Variants in CACNA1A observed in about 807,000 individuals in gnomAD.
The protein encoded by CACNA1A is voltage-dependent P/Q-type calcium channel subunit alpha-1A.
A neutral mutation model predicts 262.4 loss-of-function variants in CACNA1A; 57 were observed. The ratio of observed to expected loss-of-function variants is 0.22; its 90% confidence interval spans 0.18 to 0.27. The LOEUF is 0.27. Ranked by LOEUF, CACNA1A falls within the 10% of genes least tolerant of loss-of-function variation. The probability of loss-of-function intolerance (pLI) is 1.00; values close to 1 mark genes in which losing one functional copy is unlikely to be tolerated. For missense variants in CACNA1A, 2,526 were observed against 3,562.8 expected, an observed-to-expected ratio of 0.71 and a Z score of 7.41; for synonymous variants, 1,431 against 1,419.3, an observed-to-expected ratio of 1.01 and a Z score of -0.18.
intron 3 of CACNA1A, among the ~76,000 whole-genome samples, chr19:13,436,384 G>A (rs1186633403): frequency 6.6e-6 from 1 of 152,130 alleles, no homozygotes; most frequent in East Asian, 1.9e-4. Context: ...TTCTCCTCCT[G>A]CTACAGAACA....
rs1287136668 is a variant in CACNA1A at position 13,299,338 on chromosome 19, C to T, written c.2295G>A (p.Lys765=). The T allele has an allele frequency of 3.8e-6, 6 of 1,599,818 alleles. No homozygotes were observed. The highest frequency in any genetic ancestry group is 5.1e-6 in the Non-Finnish European group (6 of 1,179,752). Residue 765 remains lysine (K), a synonymous_variant, in exon 19 of 47, where the codon AAG becomes AAA. Transcript: ENST00000360228. ...NMSIAVKEQQ[K]NQKPAKSVWE... is the part of the protein sequence containing the mutation. Reference sequence around the variant, plus strand: ...ACACGGACTTGGCTGGCTTTTGATTCTTCTGTTGCTCTTTCCTGCAGTGGC... The same window carrying T: ...ACACGGACTTGGCTGGCTTTTGATTTTTCTGTTGCTCTTTCCTGCAGTGGC...
At chr19:13,325,107 T>G (rs2145090155) in intron 10 of CACNA1A, among the ~76,000 whole-genome samples, 1 of 146,748 alleles carries the variant, frequency 6.8e-6, no homozygotes, top group African/African-American at 2.5e-5. Flanking sequence ...CCTCTTCTTC[T>G]TCCCCTTCCC....
chr19:13,230,742 G>A (rs757577403), intron 35 of CACNA1A, among the ~76,000 whole-genome samples: 4 of 151,936 alleles, frequency 2.6e-5, no homozygotes, highest in Non-Finnish European at 5.9e-5. Context: ...GGGAGGTGGA[G>A]GCTGCAGTGA....
chr19:13,283,176 C>A, intron 22 of CACNA1A, 91 bp downstream of exon 22: 1 of 1,506,356 alleles, frequency 6.6e-7, no homozygotes, highest in African/African-American at 1.4e-5. Flanking sequence ...ACCCCAACAT[C>A]CCACCCTACC....
chr19:13,466,877 A>ATTAT (rs59575263), intron 1 of CACNA1A, among the ~76,000 whole-genome samples: 7,398 of 142,542 alleles, frequency 0.052, 215 homozygotes, highest in Middle Eastern at 0.066. Context: ...TTAAATTTCC[A>ATTAT]TTATTTATTT....
chr19:13,475,832 A>G (rs1271022883), intron 1 of CACNA1A, among the ~76,000 whole-genome samples: 1 of 152,238 alleles, frequency 6.6e-6, no homozygotes, highest in Non-Finnish European at 1.5e-5. Context: ...AAAAGGAGCC[A>G]GAAAATTACA....
At chr19:13,400,289 T>C (rs979994516) in intron 3 of CACNA1A, among the ~76,000 whole-genome samples, 61 of 152,160 alleles carry the variant, frequency 4.0e-4, no homozygotes, top group African/African-American at 1.4e-3. Flanking sequence ...CATTCGACTT[T>C]TGACTTTTGC....
intron 24 of CACNA1A, among the ~76,000 whole-genome samples, chr19:13,266,348 A>C (rs2056863518): frequency 1.3e-5 from 2 of 152,020 alleles, no homozygotes; most frequent in South Asian, 2.1e-4. Flanking sequence ...CTGGGACTGC[A>C]GGCATGCACC....
At chr19:13,256,401 A>G (rs1231499143) in intron 28 of CACNA1A, 3 of 152,132 alleles carry the variant, frequency 2.0e-5, no homozygotes, top group Non-Finnish European at 4.4e-5. Flanking sequence ...GGAGCAGAGG[A>G]TATATTCTAG....
intron 24 of CACNA1A, among the ~76,000 whole-genome samples, chr19:13,266,097 G>C (rs980248549): frequency 3.9e-5 from 6 of 152,142 alleles, no homozygotes; most frequent in African/African-American, 1.4e-4. Flanking sequence ...ACCTGCCTCG[G>C]CCTCCCAAAG....
chr19:13,364,006 C>T (rs369263064), intron 5 of CACNA1A: 3 of 152,114 alleles, frequency 2.0e-5, no homozygotes, highest in African/African-American at 4.8e-5. Flanking sequence ...GAGTGTGGAT[C>T]GTGGTGGACA....
intron 5 of CACNA1A, chr19:13,364,394 A>C (rs74339044): frequency 0.021 from 3,251 of 152,350 alleles, 45 homozygotes; most frequent in South Asian, 0.043. Flanking sequence ...CTCACAATGC[A>C]TTGAGGCAAT....
intron 6 of CACNA1A, among the ~76,000 whole-genome samples, chr19:13,357,969 T>C (rs1009105534): frequency 6.6e-6 from 1 of 152,002 alleles, no homozygotes; most frequent in Non-Finnish European, 1.5e-5. Flanking sequence ...ATTACACCAC[T>C]GCGCTCCAGC....
At chr19:13,219,337 C>T (rs985207145) in intron 38 of CACNA1A, among the ~76,000 whole-genome samples, 8 of 149,796 alleles carry the variant, frequency 5.3e-5, no homozygotes, top group Non-Finnish European at 1.0e-4. Flanking sequence ...CCACCGTGCC[C>T]GGCCCTTTGC....
chr19:13,497,496 A>T (rs1599379790), intron 1 of CACNA1A, among the ~76,000 whole-genome samples: 1 of 20,688 alleles, frequency 4.8e-5, no homozygotes, highest in Non-Finnish European at 8.3e-5. Flanking sequence ...CTCAAAAAAA[A>T]AAAAAAAAAA....
intron 3 of CACNA1A, among the ~76,000 whole-genome samples, chr19:13,412,465 C>T (rs116138350): frequency 0.031 from 4,663 of 150,960 alleles, 216 homozygotes; most frequent in African/African-American, 0.11. Flanking sequence ...TATTTATAAC[C>T]TTTCTTTTTT....
intron 12 of CACNA1A, among the ~76,000 whole-genome samples, chr19:13,311,665 A>G (rs58648594): frequency 0.15 from 21,960 of 151,440 alleles, 1,995 homozygotes; most frequent in Admixed American, 0.23. Context: ...GTGAAACCCC[A>G]TCTCTACTAA....
chr19:13,474,243 C>T (rs1176167638), intron 1 of CACNA1A, among the ~76,000 whole-genome samples: 1 of 152,198 alleles, frequency 6.6e-6, no homozygotes, highest in African/African-American at 2.4e-5. Flanking sequence ...TCTCTTACAA[C>T]CATGAAGACA....
intron 24 of CACNA1A, among the ~76,000 whole-genome samples, chr19:13,268,056 T>A (rs955245941): frequency 4.6e-5 from 7 of 151,956 alleles, no homozygotes; most frequent in African/African-American, 1.7e-4. Context: ...AGCCACTGCA[T>A]CCTGGGCAAG....
Sources: allele counts gnomAD v4.1 joint callset (sites outside exome capture counted in the v4.1 genomes callset), GRCh38; gene constraint gnomAD v4.1.1; transcripts MANE v1.5; gene names NCBI Gene and HGNC (gene_info 2026-07-23, HGNC 2026-07-21).